KCNMB2: variants seen among roughly 807,000 people sequenced by gnomAD.
KCNMB2 encodes the protein potassium calcium-activated channel subfamily M regulatory beta subunit 2.
KCNMB2 carries 9 observed loss-of-function variants against 24.5 expected under a neutral mutation model. That is an observed-to-expected ratio of 0.37 (90% confidence interval 0.22 to 0.64). KCNMB2 has a LOEUF of 0.64. Ranked by LOEUF, KCNMB2 falls within the 30% of genes least tolerant of loss-of-function variation. The pLI is 0.63. For missense variants in KCNMB2, 226 were observed against 284.3 expected (o/e 0.79, Z 1.47); for synonymous variants, 109 against 104.4 (o/e 1.04, Z -0.27).
intron 1 of KCNMB2, among the ~76,000 whole-genome samples, chr3:178,805,129 T>C (rs1482255236): frequency 6.6e-6 from 1 of 152,186 alleles, no homozygotes; most frequent in Non-Finnish European, 1.5e-5. Context: ...CCTGCCATTA[T>C]CCTAGAACAA....
intron 1 of KCNMB2, among the ~76,000 whole-genome samples, chr3:178,578,636 C>G (rs1717083505): frequency 6.6e-6 from 1 of 152,082 alleles, no homozygotes; most frequent in African/African-American, 2.4e-5. Flanking sequence ...GGAGACCAAT[C>G]AATGTGCAAA....
intron 1 of KCNMB2, among the ~76,000 whole-genome samples, chr3:178,589,468 GT>G: frequency 1.3e-5 from 2 of 151,810 alleles, no homozygotes; most frequent in Middle Eastern, 3.4e-3. Context: ...GGGAGGTTGT[GT>G]TTTTTTTGTT....
rs963380533 is a variant in KCNMB2, at chr3:178,758,060, C to A, written c.-67-49283C>A. ...TATATATCTAGATATATATATATAT[C>A]TCCAAGAGGATATATATATATACAC... On this transcript the variant is annotated intron_variant, in intron 1 of 4. Coordinates refer to ENST00000452583, the MANE Select transcript of KCNMB2 (RefSeq NM_181361.3). Among the ~76,000 whole-genome samples, 225 of 32,984 alleles carry A rather than the reference C, an allele frequency of 6.8e-3. 36 individuals are homozygous for A. The highest frequency in any genetic ancestry group is 0.034 in the African/African-American group (212 of 6,218). The allele number at this position is 32,984 out of a possible 152,430, so 21.6% of individuals were successfully genotyped here. A position where few individuals can be genotyped will look rare whatever the true frequency, so the allele number is the denominator to read the frequency against.
chr3:178,572,762 G>C (rs1003358935), intron 1 of KCNMB2, among the ~76,000 whole-genome samples: 13 of 151,954 alleles, frequency 8.6e-5, no homozygotes, highest in African/African-American at 2.9e-4. Context: ...CACTTACATA[G>C]GAAGAAAAGC....
chr3:178,719,901 C>T (rs906823444), intron 1 of KCNMB2, among the ~76,000 whole-genome samples: 78 of 152,142 alleles, frequency 5.1e-4, no homozygotes, highest in Non-Finnish European at 8.7e-4. Context: ...ACCTAGCCCC[C>T]GGCAACCACT....
intron 3 of KCNMB2, 85 bp downstream of exon 3, chr3:178,825,843 C>T: frequency 1.0e-6 from 1 of 983,972 alleles, no homozygotes; most frequent in African/African-American, 1.6e-5. Flanking sequence ...AGGTCATCTT[C>T]CTCACCTTCT....
At chr3:178,644,868 T>C (rs1719861363) in intron 1 of KCNMB2, among the ~76,000 whole-genome samples, 1 of 152,032 alleles carries the variant, frequency 6.6e-6, no homozygotes, top group Non-Finnish European at 1.5e-5. Flanking sequence ...TACCCACCTA[T>C]AAAATAGGGA....
At position 178,756,208 on chromosome 3, in the gene KCNMB2, A is replaced by ATG. The variant is rs981637387; in HGVS notation, c.-67-51127_-67-51126dup. On this transcript the variant is annotated intron_variant, in intron 1 of 4. Transcript: ENST00000452583. ...TAAAGGGTATATATAGATTTTCCAC[A>ATG]TGTGTGTGTATATATATGTGGGTGT... 2.0e-5 allele frequency among the ~76,000 whole-genome samples: 3 copies of ATG among 151,024 alleles called. No homozygotes were observed. The South Asian group carries it at 6.2e-4, about 31-fold the overall frequency.
chr3:178,661,327 T>G (rs1284268247), intron 1 of KCNMB2, among the ~76,000 whole-genome samples: 1 of 152,206 alleles, frequency 6.6e-6, no homozygotes, highest in Admixed American at 6.5e-5. Context: ...TCTTCCTTTT[T>G]TATGGCTGCA....
At chr3:178,713,785 T>C (rs1006984729) in intron 1 of KCNMB2, among the ~76,000 whole-genome samples, 11 of 152,192 alleles carry the variant, frequency 7.2e-5, no homozygotes, top group Admixed American at 1.3e-4. Context: ...TACAATTTAA[T>C]GAATGGAGGC....
intron 1 of KCNMB2, among the ~76,000 whole-genome samples, chr3:178,578,756 TAACA>T (rs1366146605): frequency 6.6e-6 from 1 of 151,958 alleles, no homozygotes. Flanking sequence ...GACTTTAAAC[TAACA>T]AAGATCAAAA....
intron 1 of KCNMB2, among the ~76,000 whole-genome samples, chr3:178,668,035 T>C (rs1411690983): frequency 6.6e-6 from 1 of 152,224 alleles, no homozygotes; most frequent in African/African-American, 2.4e-5. Flanking sequence ...TCAGTCATGC[T>C]GGGTTAAACT....
intron 1 of KCNMB2, among the ~76,000 whole-genome samples, chr3:178,619,997 T>A (rs1341758930): frequency 6.6e-6 from 1 of 152,210 alleles, no homozygotes; most frequent in Non-Finnish European, 1.5e-5. Context: ...TATGTCTTAG[T>A]TCCTTTTGTA....
At chr3:178,621,301 C>A (rs1414577907) in intron 1 of KCNMB2, among the ~76,000 whole-genome samples, 1 of 152,016 alleles carries the variant, frequency 6.6e-6, no homozygotes, top group Non-Finnish European at 1.5e-5. Flanking sequence ...TTTAGCTATT[C>A]TGGCCTTTTC....
chr3:178,578,854 G>T (rs1236408569), intron 1 of KCNMB2, among the ~76,000 whole-genome samples: 1 of 152,114 alleles, frequency 6.6e-6, no homozygotes, highest in African/African-American at 2.4e-5. Flanking sequence ...CCCAATACAG[G>T]AGCAAACAGA....
At chr3:178,650,333 G>A (rs1328818580) in intron 1 of KCNMB2, among the ~76,000 whole-genome samples, 1 of 152,144 alleles carries the variant, frequency 6.6e-6, no homozygotes, top group Non-Finnish European at 1.5e-5. Flanking sequence ...CTTTGGGGTG[G>A]AGAGTTCTGT....
Position 178,825,645 on chromosome 3 carries a change from A to T in KCNMB2, c.114A>T (p.Thr38=). 1.2e-6 allele frequency: 2 copies of T among 1,614,104 alleles called. No homozygotes were observed. The highest frequency in any genetic ancestry group is 1.7e-6 in the Non-Finnish European group (2 of 1,179,904). ...TCCTGGACAAAAGGAAAACAGTCAC[A>T]GCACTGAAGGCAGGAGAGGACCGAG... is the stretch of plus-strand genomic sequence containing the variant. ...HDLLDKRKTV[T]ALKAGEDRAI... The change falls in exon 3 of 5, where the codon ACA becomes ACT. Residue 38 remains threonine, a synonymous_variant. Coordinates refer to ENST00000452583, the MANE Select transcript of KCNMB2 (RefSeq NM_181361.3).
intron 1 of KCNMB2, among the ~76,000 whole-genome samples, chr3:178,665,579 C>T (rs1720689524): frequency 6.6e-6 from 1 of 151,914 alleles, no homozygotes; most frequent in African/African-American, 2.4e-5. Context: ...GCCTTTATGC[C>T]TCTTTAGTTG....
chr3:178,734,704 C>A (rs1723262078), intron 1 of KCNMB2, among the ~76,000 whole-genome samples: 1 of 152,280 alleles, frequency 6.6e-6, no homozygotes, highest in East Asian at 1.9e-4. Flanking sequence ...AAATTTGGAG[C>A]CAGATTCCAG....
Sources: allele counts gnomAD v4.1 joint callset (sites outside exome capture counted in the v4.1 genomes callset), GRCh38; gene constraint gnomAD v4.1.1; transcripts MANE v1.5; gene names NCBI Gene and HGNC (gene_info 2026-07-23, HGNC 2026-07-21).